EMC7: variants seen among roughly 807,000 people sequenced by gnomAD.
EMC7 encodes the protein endoplasmic reticulum membrane protein complex subunit 7.
In EMC7, 4 loss-of-function variants were observed where a neutral mutation model predicts 24.4. That is an observed-to-expected ratio of 0.16 (90% CI 0.08 to 0.38). The LOEUF (loss-of-function observed/expected upper bound fraction) is 0.38, where lower values mean the gene tolerates loss of function less well. EMC7 is among the 10% of genes least tolerant of loss of function. The pLI is 1.00. For missense variants in EMC7, 221 were observed against 300.6 expected (o/e 0.74, Z 1.96); for synonymous variants, 106 against 112.0 (o/e 0.95, Z 0.34).
At chr15:34,092,003 T>C (rs1372868658) in intron 2 of EMC7, among the ~76,000 whole-genome samples, 1 of 152,220 alleles carries the variant, frequency 6.6e-6, no homozygotes, top group Admixed American at 6.5e-5. Flanking sequence ...CAGTGGCTAA[T>C]GCCTGTAATC....
intron 1 of EMC7, among the ~76,000 whole-genome samples, chr15:34,098,270 C>G (rs1257580648): frequency 6.6e-6 from 1 of 152,164 alleles, no homozygotes; most frequent in Non-Finnish European, 1.5e-5. Context: ...CTCTCCTCTT[C>G]CTTCAGGATT....
At position 34,101,686 on chromosome 15, in the gene EMC7, C is replaced by G. The variant is rs780879341; in HGVS notation, c.154G>C (p.Val52Leu). The change falls in exon 1 of 5, where the codon GTT (valine) becomes CTT (leucine). Residue 52 changes from valine (V) to leucine (L), a missense_variant. Coordinates refer to ENST00000256545, the MANE Select transcript of EMC7 (RefSeq NM_020154.3). ...GDRFKIEGRAVVPGVKPQDWI... is the reference protein window; with the variant it reads ...GDRFKIEGRALVPGVKPQDWI... ...TCCTGAGGCTTCACCCCTGGAACAA[C>G]TGCACGCCCCTCAATCTTGAAGCGA... 6.2e-7 allele frequency: 1 copy of G among 1,613,884 alleles called. No individual in the cohort carries two copies. Among genetic ancestry groups the G allele is most frequent in the Non-Finnish European group, 8.5e-7 (1 of 1,179,982 alleles).
chr15:34,097,297 T>C (rs1901091392), intron 1 of EMC7, among the ~76,000 whole-genome samples: 1 of 152,150 alleles, frequency 6.6e-6, no homozygotes, highest in Admixed American at 6.5e-5. Flanking sequence ...CCTCCCAAAG[T>C]GCTGGGATTA....
At position 34,095,952 on chromosome 15, in the gene EMC7, G is replaced by T. The variant is rs751844542; in HGVS notation, c.299C>A (p.Ser100Tyr). ...PSGSYVVEVV[S>Y]PAYRFDPVRV... Reference sequence around the variant, plus strand: ...AACGGGATCAAATCTGTAAGCTGGAGATACAACTTCCACTACATAAGATCC... The same window carrying T: ...AACGGGATCAAATCTGTAAGCTGGATATACAACTTCCACTACATAAGATCC... Residue 100 changes from serine (S) to tyrosine (Y), a missense_variant, in exon 2 of 5, where the codon TCT becomes TAT. By Grantham distance (144) the Ser-to-Tyr change is moderately radical. This residue lies in a region of EMC7 where 156 missense variants were observed against 177.1 expected (regional missense o/e 0.88). Transcript: ENST00000256545. 3 of 1,610,828 alleles carry T rather than the reference G, an allele frequency of 1.9e-6. No homozygotes were observed. Among genetic ancestry groups the T allele is most frequent in the South Asian group, 1.1e-5 (1 of 90,746 alleles).
intron 1 of EMC7, among the ~76,000 whole-genome samples, chr15:34,098,541 C>T (rs1205182443): frequency 3.3e-5 from 5 of 150,884 alleles, no homozygotes; most frequent in African/African-American, 7.3e-5. Flanking sequence ...CTGCAACCTC[C>T]GCCTCCTGGG....
chr15:34,087,810 T>C (rs1900912038), intron 4 of EMC7, among the ~76,000 whole-genome samples: 2 of 152,122 alleles, frequency 1.3e-5, no homozygotes, highest in Non-Finnish European at 2.9e-5. Flanking sequence ...TGAGAAAAAC[T>C]AAGCTACCCA....
intron 1 of EMC7, 84 bp from the exon 2 acceptor site, chr15:34,096,098 C>T (rs976152281): frequency 2.2e-6 from 3 of 1,373,546 alleles, no homozygotes; most frequent in Non-Finnish European, 2.9e-6. Flanking sequence ...TCAACTCTCC[C>T]GAAAAATGAC....
chr15:34,088,005 C>A, intron 4 of EMC7, 48 bp downstream of exon 4: 3 of 1,507,228 alleles, frequency 2.0e-6, no homozygotes, highest in Non-Finnish European at 2.7e-6. Flanking sequence ...GCAACAGAGG[C>A]TCTATCTCTT....
At chr15:34,098,245 T>C (rs1901112093) in intron 1 of EMC7, among the ~76,000 whole-genome samples, 1 of 152,156 alleles carries the variant, frequency 6.6e-6, no homozygotes, top group Non-Finnish European at 1.5e-5. Flanking sequence ...CCCTTCAAGG[T>C]TCCAGTAACC....
chr15:34,092,207 G>C (rs1183433954), intron 2 of EMC7, among the ~76,000 whole-genome samples: 1 of 149,682 alleles, frequency 6.7e-6, no homozygotes, highest in Non-Finnish European at 1.5e-5. Context: ...GGAGATTGTA[G>C]TGAGCTGAGG....
At chr15:34,093,823 A>ATATATATTTTTT (rs1190830993) in intron 2 of EMC7, among the ~76,000 whole-genome samples, 2 of 48,704 alleles carry the variant, frequency 4.1e-5, no homozygotes, top group African/African-American at 1.1e-4. Context: ...ATATATATAT[A>ATATATATTTTTT]TTTTTTTTTT....
intron 4 of EMC7, 113 bp from the exon 5 acceptor site, chr15:34,084,599 G>A (rs1018690429): frequency 1.9e-5 from 21 of 1,127,558 alleles, no homozygotes; most frequent in Non-Finnish European, 2.6e-5. Context: ...TACTGGTTCT[G>A]AGCAATGATG....
At position 34,086,555 on chromosome 15, in the gene EMC7, A is replaced by G. The variant is rs140851919; in HGVS notation, c.576+1498T>C. 8.1e-3 allele frequency among the ~76,000 whole-genome samples: 1,238 copies of G among 152,236 alleles called. 14 individuals are homozygous for G. The highest frequency in any genetic ancestry group is 0.029 in the African/African-American group (1,195 of 41,554). On this transcript the variant is annotated intron_variant, in intron 4 of 4. Coordinates refer to ENST00000256545, the MANE Select transcript of EMC7 (RefSeq NM_020154.3). ...GCGATTCTCCTGTCTCAGCCTCCCA[A>G]GTAGCTCAGATTACAGGCATGCGCC...
chr15:34,098,454 TTTC>T (rs1365157202), intron 1 of EMC7, among the ~76,000 whole-genome samples: 76 of 116,326 alleles, frequency 6.5e-4, no homozygotes, highest in Admixed American at 2.1e-3. Flanking sequence ...AATTTCTTTC[TTTC>T]TTTTTTTTTT....
At chr15:34,101,262 A>G in intron 1 of EMC7, among the ~76,000 whole-genome samples, 1 of 152,160 alleles carries the variant, frequency 6.6e-6, no homozygotes, top group East Asian at 1.9e-4. Context: ...AAACCAGATG[A>G]GATATAAAAG....
chr15:34,098,658 G>A (rs1233275289), intron 1 of EMC7, among the ~76,000 whole-genome samples: 9 of 144,896 alleles, frequency 6.2e-5, no homozygotes, highest in Admixed American at 2.1e-4. Context: ...TAGTAGAGAT[G>A]GGGTTTTTCC....
At chr15:34,097,968 CAA>C (rs34286000) in intron 1 of EMC7, among the ~76,000 whole-genome samples, 4 of 125,680 alleles carry the variant, frequency 3.2e-5, no homozygotes, top group Admixed American at 1.6e-4. Flanking sequence ...GACTCCGTCT[CAA>C]AAAAAAAAAA....
chr15:34,100,033 T>A (rs542312790), intron 1 of EMC7, among the ~76,000 whole-genome samples: 1 of 152,334 alleles, frequency 6.6e-6, no homozygotes, highest in African/African-American at 2.4e-5. Context: ...ACCTAAGTCA[T>A]ATGATTCCAA....
intron 1 of EMC7, among the ~76,000 whole-genome samples, chr15:34,099,628 C>T (rs1017182830): frequency 9.2e-5 from 14 of 152,120 alleles, no homozygotes; most frequent in African/African-American, 4.8e-5. Flanking sequence ...TCCTGAGAGA[C>T]GGGGTTTTGC....
Sources: gnomAD v4.1 joint callset for allele counts (sites outside exome capture counted in the v4.1 genomes callset) on GRCh38, gnomAD v4.1.1 for gene constraint, gnomAD v4.1.1 regional missense constraint, MANE v1.5 for transcripts, NCBI Gene and HGNC (gene_info 2026-07-23, HGNC 2026-07-21) for gene names.